Variants in LAMC1 observed in about 807,000 individuals in gnomAD.
The protein encoded by LAMC1 is laminin subunit gamma-1.
In LAMC1, 38 loss-of-function variants were observed where a neutral mutation model predicts 173.6. That is an observed-to-expected ratio of 0.22 (90% CI 0.17 to 0.29). LAMC1 has a LOEUF of 0.29. Among genes scored for constraint, LAMC1 ranks in the 10% least tolerant of loss-of-function variants. The pLI is 1.00. For missense variants in LAMC1, 1,824 were observed against 2,051.8 expected (o/e 0.89, Z 2.14); for synonymous variants, 746 against 749.1 (o/e 1.00, Z 0.07).
chr1:183,028,294 G>T (rs1171934771), intron 1 of LAMC1, among the ~76,000 whole-genome samples: 1 of 152,018 alleles, frequency 6.6e-6, no homozygotes, highest in Admixed American at 6.6e-5. Context: ...ACATTCTCAT[G>T]TTATTGCCGG....
intron 3 of LAMC1, among the ~76,000 whole-genome samples, chr1:183,109,547 G>A (rs1656083017): frequency 6.6e-6 from 1 of 152,146 alleles, no homozygotes; most frequent in South Asian, 2.1e-4. Context: ...GAAGAGTTTG[G>A]TTATACATAT....
intron 1 of LAMC1, among the ~76,000 whole-genome samples, chr1:183,025,175 C>T (rs1653653715): frequency 6.6e-6 from 1 of 152,118 alleles, no homozygotes; most frequent in Non-Finnish European, 1.5e-5. Context: ...TCAAGCCATT[C>T]TTCTGTCAAG....
chr1:183,067,025 T>A (rs1366422597), intron 1 of LAMC1, among the ~76,000 whole-genome samples: 1 of 152,200 alleles, frequency 6.6e-6, no homozygotes, highest in Non-Finnish European at 1.5e-5. Flanking sequence ...GTTTGGTTTA[T>A]TGTGTTTTAG....
intron 1 of LAMC1, among the ~76,000 whole-genome samples, chr1:183,099,150 G>A (rs1474608609): frequency 6.6e-6 from 1 of 151,842 alleles, no homozygotes; most frequent in Non-Finnish European, 1.5e-5. Context: ...GTGCAATGTC[G>A]CGATCTCGGC....
chr1:183,131,189 AAG>A, intron 19 of LAMC1, 108 bp from the exon 20 acceptor site: 3 of 718,792 alleles, frequency 4.2e-6, no homozygotes, highest in Admixed American at 2.4e-5. Flanking sequence ...AAAAAAAAAA[AAG>A]GTAGAGGCAT....
chr1:183,124,939 G>C, intron 14 of LAMC1, 63 bp downstream of exon 14: 7 of 1,574,080 alleles, frequency 4.4e-6, no homozygotes, highest in Non-Finnish European at 6.1e-6. Flanking sequence ...GAATTCTTGT[G>C]TGTCTCTTAA....
chr1:183,138,739 T>C (rs936753675), intron 26 of LAMC1, among the ~76,000 whole-genome samples: 5 of 152,262 alleles, frequency 3.3e-5, no homozygotes, highest in Middle Eastern at 3.4e-3. Context: ...TTCTCCGTTA[T>C]GGTGTGGCTC....
intron 1 of LAMC1, among the ~76,000 whole-genome samples, chr1:183,070,611 T>A (rs1399042495): frequency 6.6e-6 from 1 of 152,238 alleles, no homozygotes. Context: ...ATGGAATAAA[T>A]GCTGTATCTA....
chr1:183,038,145 C>T (rs530629096), intron 1 of LAMC1, among the ~76,000 whole-genome samples: 5 of 151,324 alleles, frequency 3.3e-5, no homozygotes, highest in Non-Finnish European at 7.4e-5. Flanking sequence ...AAGCAATTGT[C>T]CTGCCTTAGC....
Position 183,132,484 on chromosome 1 carries a change from G to A in LAMC1, c.3651G>A (p.Arg1217=). The change falls in exon 21 of 28, where the codon AGG becomes AGA. Residue 1217 remains arginine, a synonymous_variant. Coordinates refer to ENST00000258341, the MANE Select transcript of LAMC1 (RefSeq NM_002293.4). ...TSTEAYNLLL[R]TLAGENQTAF... is the part of the protein sequence containing the mutation. ...CTGAGGCATACAACCTGCTTCTGAG[G>A]ACACTGGCAGGAGAAAATCAAACAG... The A allele has an allele frequency of 2.5e-6, 4 of 1,613,664 alleles. No individual in the cohort carries two copies. The highest frequency in any genetic ancestry group is 3.4e-6 in the Non-Finnish European group (4 of 1,179,598).
intron 11 of LAMC1, among the ~76,000 whole-genome samples, chr1:183,119,701 C>G (rs962058334): frequency 6.6e-6 from 1 of 151,928 alleles, no homozygotes; most frequent in Non-Finnish European, 1.5e-5. Flanking sequence ...TGCCACTCCA[C>G]TCCAGCCTGG....
At chr1:183,043,083 A>G (rs911175183) in intron 1 of LAMC1, among the ~76,000 whole-genome samples, 3 of 152,058 alleles carry the variant, frequency 2.0e-5, no homozygotes, top group African/African-American at 4.8e-5. Context: ...TCTTAAATGT[A>G]TATTTATCTT....
At chr1:183,094,883 G>A (rs1235352228) in intron 1 of LAMC1, among the ~76,000 whole-genome samples, 5 of 152,032 alleles carry the variant, frequency 3.3e-5, no homozygotes, top group South Asian at 4.2e-4. Flanking sequence ...GCCTTGCTCT[G>A]TCACCCAAGC....
chr1:183,126,385 G>A, intron 16 of LAMC1, 123 bp downstream of exon 16: 1 of 904,116 alleles, frequency 1.1e-6, no homozygotes, highest in Non-Finnish European at 1.7e-6. Context: ...CTGTACCTAA[G>A]TCATCGTAGA....
intron 16 of LAMC1, 94 bp downstream of exon 16, chr1:183,126,356 A>T: frequency 5.4e-6 from 7 of 1,297,050 alleles, no homozygotes. Context: ...CAGTCTAGCC[A>T]CTTGACTCAT....
intron 1 of LAMC1, among the ~76,000 whole-genome samples, chr1:183,062,247 C>CT (rs558680902): frequency 7.4e-4 from 112 of 152,256 alleles, no homozygotes; most frequent in African/African-American, 2.6e-3. Flanking sequence ...ATTCTAATAG[C>CT]TTTTTTGCTG....
At chr1:183,110,447 T>C (rs747341571) in intron 3 of LAMC1, 41 bp from the exon 4 acceptor site, 6 of 1,524,174 alleles carry the variant, frequency 3.9e-6, no homozygotes, top group African/African-American at 2.7e-5. Context: ...TCTGGGACTT[T>C]GCAGCTGTTC....
At position 183,131,343 on chromosome 1, in the gene LAMC1, T is replaced by A. The variant is rs1277592592; in HGVS notation, c.3531T>A (p.Thr1177=). 6.2e-6 allele frequency: 10 copies of A among 1,613,752 alleles called. No individual in the cohort carries two copies. Among genetic ancestry groups the A allele is most frequent in the East Asian group, 2.2e-5 (1 of 44,878 alleles). Residue 1177 remains threonine (T), a synonymous_variant, in exon 20 of 28, where the codon ACT becomes ACA. Transcript: ENST00000258341. The part of the protein sequence containing the change: ...PESTGDPNNM[T]LLAEEARKLA... ...CTACAGGGGACCCAAACAACATGAC[T>A]CTTTTGGCAGAAGAGGCTCGAAAGC...
At chr1:183,128,830 G>T (rs1656698591) in intron 18 of LAMC1, 80 bp downstream of exon 18, 2 of 1,071,794 alleles carry the variant, frequency 1.9e-6, no homozygotes, top group Non-Finnish European at 1.3e-6. Context: ...GGTTAGTATA[G>T]TTTTATAAAA....
Sources: gnomAD v4.1 joint callset for allele counts (sites outside exome capture counted in the v4.1 genomes callset) on GRCh38, gnomAD v4.1.1 for gene constraint, MANE v1.5 for transcripts, NCBI Gene and HGNC (gene_info 2026-07-23, HGNC 2026-07-21) for gene names.